Variants in IGFBP3 observed in about 807,000 individuals in gnomAD.
IGFBP3 encodes insulin-like growth factor-binding protein 3.
A neutral mutation model predicts 28.6 loss-of-function variants in IGFBP3; 9 were observed. That is an observed-to-expected ratio of 0.31 (90% CI 0.19 to 0.55). The LOEUF (loss-of-function observed/expected upper bound fraction) is 0.55. IGFBP3 is among the 20% of genes least tolerant of loss of function. The pLI, the probability that IGFBP3 is intolerant of heterozygous loss-of-function variation, is 0.93. For missense variants in IGFBP3, 382 were observed against 428.9 expected (o/e 0.89, Z 0.97); for synonymous variants, 185 against 188.2 (o/e 0.98, Z 0.14).
At position 45,917,378 on chromosome 7, in the gene IGFBP3, G is replaced by A. The variant is rs146176659; in HGVS notation, c.465C>T (p.Ser155=). 35 of 1,613,920 alleles carry A rather than the reference G, an allele frequency of 2.2e-5. No homozygotes were observed. The highest frequency in any genetic ancestry group is 2.8e-5 in the Non-Finnish European group (33 of 1,180,018). ...TGGGATCAGACACCCGGTGCGTGCTGGAGACGGACGGGCTCTCCACACTGC... is the reference window on the plus strand; with the variant it reads ...TGGGATCAGACACCCGGTGCGTGCTAGAGACGGACGGGCTCTCCACACTGC... ...SAGSVESPSV[S]STHRVSDPKF... Residue 155 remains serine, a synonymous_variant, in exon 2 of 5, where the codon TCC becomes TCT. Coordinates refer to ENST00000613132, the MANE Select transcript of IGFBP3 (RefSeq NM_000598.5).
rs375965218 is a variant in IGFBP3 at position 45,913,280 on chromosome 7, G to A, written c.*570C>T. On this transcript the variant is annotated 3_prime_UTR_variant, in exon 5 of 5. Transcript: ENST00000613132. ...CCTTATTTTCTCCAATAGTCCCCAA[G>A]CAGTACAGGTCACTTGAAGACATAA... 1.3e-3 allele frequency: 191 copies of A among 152,286 alleles called. 2 individuals are homozygous for A. The highest frequency in any genetic ancestry group is 4.5e-3 in the African/African-American group (185 of 41,548). The allele number at this position is 152,286 out of a possible 1,614,324, so 9.4% of individuals were successfully genotyped here.
intron 3 of IGFBP3, 150 bp from the exon 4 acceptor site, chr7:45,915,095 C>A: frequency 2.5e-6 from 2 of 806,520 alleles, no homozygotes; most frequent in South Asian, 1.7e-5. Flanking sequence ...AAGAGCCATG[C>A]GTGCCTAGGC....
intron 4 of IGFBP3, 153 bp downstream of exon 4, chr7:45,914,652 G>T (rs755319480): frequency 9.0e-6 from 6 of 664,890 alleles, no homozygotes; most frequent in Non-Finnish European, 1.5e-5. Flanking sequence ...CCTTCTGAGG[G>T]CTCTGTCCTA....
intron 1 of IGFBP3, 123 bp from the exon 2 acceptor site, chr7:45,917,562 GTT>G (rs143703989): frequency 5.5e-5 from 33 of 601,358 alleles, no homozygotes; most frequent in Admixed American, 2.5e-4. Flanking sequence ...ATCCAAGTGA[GTT>G]TTTTTTTTTA....
At chr7:45,915,948 A>G (rs1481510172) in intron 3 of IGFBP3, among the ~76,000 whole-genome samples, 1 of 152,194 alleles carries the variant, frequency 6.6e-6, no homozygotes, top group East Asian at 1.9e-4. Flanking sequence ...GGGCTCTCCA[A>G]GCTGGCCATG....
chr7:45,916,925 A>G (rs1278992221), intron 2 of IGFBP3: 23 of 561,916 alleles, frequency 4.1e-5, no homozygotes, highest in Non-Finnish European at 6.3e-5. Context: ...AGGATGAAGT[A>G]AATAAAACTA....
intron 4 of IGFBP3, 159 bp downstream of exon 4, chr7:45,914,646 C>T: frequency 1.6e-6 from 1 of 642,332 alleles, no homozygotes; most frequent in East Asian, 3.0e-5. Flanking sequence ...CTGCACCCTT[C>T]TGAGGGCTCT....
chr7:45,917,442 T>C lies in IGFBP3; in HGVS notation c.404-3A>G. ...TTCCTCCGACTCACTAGCATTTCCT[T>C]AAAACGCCCAAGAGAGACAAACACA... On this transcript the variant is annotated splice_polypyrimidine_tract_variant and splice_region_variant and intron_variant, in intron 1 of 4. Coordinates refer to ENST00000613132, the MANE Select transcript of IGFBP3 (RefSeq NM_000598.5). The C allele has an allele frequency of 6.2e-7, 1 of 1,603,910 alleles. No individual in the cohort carries two copies. The highest frequency in any genetic ancestry group is 2.2e-5 in the East Asian group (1 of 44,734).
intron 4 of IGFBP3, 124 bp downstream of exon 4, chr7:45,914,681 G>T: frequency 1.1e-6 from 1 of 883,182 alleles, no homozygotes; most frequent in South Asian, 1.7e-5. Context: ...GCTCTTTCTG[G>T]CCCTGAGCTG....
rs371184995 is a variant in IGFBP3, at chr7:45,917,587, G to T, written c.404-148C>A. The T allele has an allele frequency of 3.0e-5, 19 of 631,248 alleles. No homozygotes were observed. The African/African-American group carries it at 3.5e-4, about 12-fold the overall frequency. The allele number at this position is 631,248 out of a possible 1,614,324, so 39.1% of individuals were successfully genotyped here. ...GTTTTTTTTTTTAAAATACCTCGAT[G>T]AAGTATTATTCCATCATACTACTCA... On this transcript the variant is annotated intron_variant, in intron 1 of 4. Coordinates refer to ENST00000613132, the MANE Select transcript of IGFBP3 (RefSeq NM_000598.5).
rs1784572003 is a variant in IGFBP3, at chr7:45,913,598, T to C, written c.*252A>G. ...GCTGTGCTCGAGTCTCTGAATATTT[T>C]GATAGGAAGCGACAAGAAAATTCAA... On this transcript the variant is annotated 3_prime_UTR_variant, in exon 5 of 5. Coordinates refer to ENST00000613132, the MANE Select transcript of IGFBP3 (RefSeq NM_000598.5). The C allele has an allele frequency of 6.6e-6, 1 of 152,174 alleles. No individual in the cohort carries two copies. The allele number at this position is 152,174 out of a possible 1,614,324, so 9.4% of individuals were successfully genotyped here.
chr7:45,918,489 T>C (rs1784642838), intron 1 of IGFBP3, among the ~76,000 whole-genome samples: 1 of 152,246 alleles, frequency 6.6e-6, no homozygotes, highest in Non-Finnish European at 1.5e-5. Flanking sequence ...GGAGGGGCTG[T>C]AAGACCGCTA....
Position 45,914,814 on chromosome 7 carries a change from A to G in IGFBP3, c.*6T>C. On this transcript the variant is annotated 3_prime_UTR_variant, in exon 4 of 5. Coordinates refer to ENST00000613132, the MANE Select transcript of IGFBP3 (RefSeq NM_000598.5). ...CCTCCTGAGTACTCACCCTTGCGGCAGGCGTCTACTTGCTCTGCATGCTGT... is the reference window on the plus strand; with the variant it reads ...CCTCCTGAGTACTCACCCTTGCGGCGGGCGTCTACTTGCTCTGCATGCTGT... 1.2e-6 allele frequency: 2 copies of G among 1,613,776 alleles called. No individual in the cohort carries two copies. Among genetic ancestry groups the G allele is most frequent in the Non-Finnish European group, 1.7e-6 (2 of 1,179,758 alleles).
intron 4 of IGFBP3, 54 bp downstream of exon 4, chr7:45,914,751 G>A: frequency 6.4e-7 from 1 of 1,573,422 alleles, no homozygotes. Context: ...CCCTGAGGCT[G>A]GTCCAAGGAC....
intron 2 of IGFBP3, 96 bp from the exon 3 acceptor site, chr7:45,916,763 G>A: frequency 7.2e-7 from 1 of 1,393,460 alleles, no homozygotes. Context: ...TACCAAAAGT[G>A]GGACCTGTAA....
At chr7:45,919,955 T>G (rs1479061512) in intron 1 of IGFBP3, 1 of 140,714 alleles carries the variant, frequency 7.1e-6, no homozygotes, top group African/African-American at 2.7e-5. Flanking sequence ...GAGACAGCCC[T>G]AGGACTGATT....
In IGFBP3 at chr7:45,921,046, G is replaced by A. The variant is rs2854746; in HGVS notation, c.95C>T (p.Ala32Val). The A allele has an allele frequency of 4.9e-5, 70 of 1,441,240 alleles. No individual in the cohort carries two copies. Among genetic ancestry groups the A allele is most frequent in the Middle Eastern group, 2.4e-4 (1 of 4,120 alleles). The allele number at this position is 1,441,240 out of a possible 1,614,324, so 89.3% of individuals were successfully genotyped here. Reference protein sequence around the residue: ...PPVARAGASSAGLGPVVRCEP... With the variant: ...PPVARAGASSVGLGPVVRCEP... ...GCAGCGCACCACGGGACCCAAGCCC[G>A]CCGAGCTCGCGCCAGCCCGCGCCAC... Residue 32 changes from alanine (A) to valine (V), a missense_variant, in exon 1 of 5, where the codon GCG (alanine) becomes GTG (valine). Ala to Val is a moderately conservative substitution (Grantham distance 64). Transcript: ENST00000613132.
Position 45,921,232 on chromosome 7 carries a change from A to T in IGFBP3, c.-92T>A. The T allele has an allele frequency of 7.1e-7, 1 of 1,409,814 alleles. No homozygotes were observed. The highest frequency in any genetic ancestry group is 9.6e-7 in the Non-Finnish European group (1 of 1,045,150). 87.3% of individuals were successfully genotyped at this position (1,409,814 alleles called of 1,614,324 possible). A position where few individuals can be genotyped will look rare whatever the true frequency, so the allele number is the denominator to read the frequency against. ...CGCGAAGCTGTGGAATCCAGGCAGG[A>T]AGCGGCTGATCCTCAGCGCCCAGCC... On this transcript the variant is annotated 5_prime_UTR_variant, in exon 1 of 5. Coordinates refer to ENST00000613132, the MANE Select transcript of IGFBP3 (RefSeq NM_000598.5).
chr7:45,917,481 T>G, intron 1 of IGFBP3, 42 bp from the exon 2 acceptor site: 1 of 1,462,738 alleles, frequency 6.8e-7, no homozygotes, highest in Non-Finnish European at 9.4e-7. Flanking sequence ...GAGTCATCAA[T>G]ATCTATCACA....
Sources: allele counts gnomAD v4.1 joint callset (sites outside exome capture counted in the v4.1 genomes callset), GRCh38; gene constraint gnomAD v4.1.1; transcripts MANE v1.5; gene names NCBI Gene and HGNC (gene_info 2026-07-23, HGNC 2026-07-21).